The following TBC1D19 variants were observed in gnomAD, a reference collection of about 807,000 sequenced individuals.
The protein encoded by TBC1D19 is TBC1 domain family, member 19.
A neutral mutation model predicts 89.0 loss-of-function variants in TBC1D19; 60 were observed. That is an observed-to-expected ratio of 0.67 (90% confidence interval 0.55 to 0.84). The LOEUF is 0.84. Among genes scored for constraint, TBC1D19 ranks in the 40% least tolerant of loss-of-function variants. The pLI is 0.00. For missense variants in TBC1D19, 500 were observed against 610.8 expected, an observed-to-expected ratio of 0.82 and a Z score of 1.91; for synonymous variants, 189 against 199.7, an observed-to-expected ratio of 0.95 and a Z score of 0.45.
chr4:26,666,447 A>G (rs773679703), intron 9 of TBC1D19, 42 bp downstream of exon 9: 1 of 1,534,418 alleles, frequency 6.5e-7, no homozygotes, highest in South Asian at 1.2e-5. Context: ...GATAAATGAG[A>G]GTGAGCCTAA....
the TBC1D19 span, among the ~76,000 whole-genome samples, chr4:26,836,846 T>C: frequency 6.6e-6 from 1 of 152,236 alleles, no homozygotes; most frequent in Non-Finnish European, 1.5e-5. Context: ...GAATTTTAGC[T>C]ATGGCTTCTT....
At chr4:26,852,318 C>G in the TBC1D19 span, among the ~76,000 whole-genome samples, 1 of 152,098 alleles carries the variant, frequency 6.6e-6, no homozygotes, top group Non-Finnish European at 1.5e-5. Context: ...CTTTGGGAGA[C>G]CAAGGCGGGA....
At chr4:26,720,944 G>A (rs1486638720) in intron 15 of TBC1D19, among the ~76,000 whole-genome samples, 1 of 152,122 alleles carries the variant, frequency 6.6e-6, no homozygotes, top group African/African-American at 2.4e-5. Flanking sequence ...GCTGTTATGA[G>A]TGTGTTTAAC....
chr4:26,681,455 G>A (rs1477068158), intron 11 of TBC1D19, among the ~76,000 whole-genome samples: 1 of 152,074 alleles, frequency 6.6e-6, no homozygotes, highest in Non-Finnish European at 1.5e-5. Context: ...GGAGGCTGGA[G>A]CAGGAGAATG....
chr4:26,673,551 C>G (rs1286125277), intron 10 of TBC1D19, among the ~76,000 whole-genome samples: 2 of 150,872 alleles, frequency 1.3e-5, no homozygotes, highest in Admixed American at 6.6e-5. Flanking sequence ...CCCTCCTTAT[C>G]CACACTGGGT....
At position 26,584,272 on chromosome 4, in the gene TBC1D19, C is replaced by G. The variant is rs755129845; in HGVS notation, c.79C>G (p.Gln27Glu). The G allele has an allele frequency of 6.2e-7, 1 of 1,611,848 alleles. No homozygotes were observed. Among genetic ancestry groups the G allele is most frequent in the East Asian group, 2.2e-5 (1 of 44,824 alleles). ...QKLKGSNLYSQLERQAWASLQ... is the reference protein window; with the variant it reads ...QKLKGSNLYSELERQAWASLQ... ...GCTCAAGGGCTCCAATTTGTACTCTCAGCTGGAACGGCAGGCCTGGGTAAG... is the reference window on the plus strand; with the variant it reads ...GCTCAAGGGCTCCAATTTGTACTCTGAGCTGGAACGGCAGGCCTGGGTAAG... Residue 27 changes from glutamine to glutamate, a missense_variant, in exon 1 of 21, where the codon CAG becomes GAG. This residue lies in a region of TBC1D19 where 280 missense variants were observed against 291.7 expected (regional missense o/e 0.96). Transcript: ENST00000264866.
At chr4:26,616,714 T>C (rs1030454533) in intron 3 of TBC1D19, among the ~76,000 whole-genome samples, 1 of 152,196 alleles carries the variant, frequency 6.6e-6, no homozygotes, top group Non-Finnish European at 1.5e-5. Context: ...TTAGTCAGTT[T>C]CTTATTTAAC....
intron 16 of TBC1D19, among the ~76,000 whole-genome samples, chr4:26,735,736 G>T (rs142734819): frequency 3.9e-5 from 6 of 152,002 alleles, no homozygotes; most frequent in Admixed American, 3.9e-4. Context: ...TATTATGAAC[G>T]TTTTAAAATG....
chr4:26,614,838 T>C (rs937917476), intron 3 of TBC1D19, among the ~76,000 whole-genome samples: 35 of 152,102 alleles, frequency 2.3e-4, no homozygotes, highest in African/African-American at 8.4e-4. Context: ...CCACAACACC[T>C]GGCTAATTTT....
chr4:26,714,131 A>G (rs537882711), intron 13 of TBC1D19, among the ~76,000 whole-genome samples: 122 of 152,216 alleles, frequency 8.0e-4, no homozygotes, highest in African/African-American at 2.5e-3. Flanking sequence ...GGATTACTTG[A>G]GCTCAAGAGT....
chr4:26,631,936 T>C (rs1410681739), intron 4 of TBC1D19, among the ~76,000 whole-genome samples: 1 of 152,152 alleles, frequency 6.6e-6, no homozygotes, highest in Non-Finnish European at 1.5e-5. Context: ...TAATGTTAAA[T>C]TTAGAGTTGG....
chr4:26,576,918 G>T (rs888320440), intron 1 of TBC1D19: 10 of 450,158 alleles, frequency 2.2e-5, no homozygotes, highest in African/African-American at 2.0e-4. Context: ...CCAGTTGTTT[G>T]GTCAAACAGT....
chr4:26,706,490 G>C (rs1715746945), intron 13 of TBC1D19, among the ~76,000 whole-genome samples: 1 of 151,994 alleles, frequency 6.6e-6, no homozygotes, highest in Non-Finnish European at 1.5e-5. Context: ...TTTGGTTTCA[G>C]TTATTATCTC....
chr4:26,772,051 T>G, the TBC1D19 span, among the ~76,000 whole-genome samples: 1 of 150,574 alleles, frequency 6.6e-6, no homozygotes. Context: ...ATGAGAGAGA[T>G]AATATAACTG....
chr4:26,598,622 C>T (rs1350280085), intron 1 of TBC1D19, among the ~76,000 whole-genome samples: 1 of 152,160 alleles, frequency 6.6e-6, no homozygotes, highest in Non-Finnish European at 1.5e-5. Context: ...TCTCTACCTC[C>T]TTACCTCGTG....
intron 4 of TBC1D19, among the ~76,000 whole-genome samples, chr4:26,626,784 A>C (rs1577828791): frequency 6.6e-6 from 1 of 150,498 alleles, no homozygotes. Context: ...CCTTTTCCTA[A>C]AATTTCCAAT....
chr4:26,814,094 G>A, the TBC1D19 span, among the ~76,000 whole-genome samples: 2 of 152,128 alleles, frequency 1.3e-5, no homozygotes, highest in Non-Finnish European at 2.9e-5. Context: ...CCCACACCTC[G>A]TAAGCAGCCC....
chr4:26,645,885 A>G (rs1232250489), intron 7 of TBC1D19, among the ~76,000 whole-genome samples: 2 of 152,232 alleles, frequency 1.3e-5, no homozygotes, highest in Non-Finnish European at 2.9e-5. Flanking sequence ...GCACTTTGGG[A>G]GGCCGAGGCG....
intron 11 of TBC1D19, among the ~76,000 whole-genome samples, chr4:26,682,627 G>A (rs1713452609): frequency 6.6e-6 from 1 of 152,180 alleles, no homozygotes; most frequent in South Asian, 2.1e-4. Flanking sequence ...GGGCTAAAGT[G>A]CCTGAGAGGT....
Sources: gnomAD v4.1 joint callset for allele counts (sites outside exome capture counted in the v4.1 genomes callset) on GRCh38, gnomAD v4.1.1 for gene constraint, gnomAD v4.1.1 regional missense constraint, MANE v1.5 for transcripts, NCBI Gene and HGNC (gene_info 2026-07-23, HGNC 2026-07-21) for gene names.